Variants in NEK7 observed in about 807,000 individuals in gnomAD.
NEK7 encodes NIMA related kinase 7.
A neutral mutation model predicts 44.6 loss-of-function variants in NEK7; 18 were observed. The ratio of observed to expected loss-of-function variants is 0.40; its 90% CI spans 0.28 to 0.60. The LOEUF (loss-of-function observed/expected upper bound fraction) is 0.60. Among genes scored for constraint, NEK7 ranks in the 20% least tolerant of loss-of-function variants. The probability of loss-of-function intolerance (pLI) is 0.38; values close to 1 mark genes in which losing one functional copy is unlikely to be tolerated. For missense variants in NEK7, 256 were observed against 366.5 expected (o/e 0.70, Z 2.46); for synonymous variants, 130 against 121.1 (o/e 1.07, Z -0.48).
chr1:198,259,811 T>TCA (rs145517799), intron 3 of NEK7, among the ~76,000 whole-genome samples: 23,411 of 150,822 alleles, frequency 0.16, 2,590 homozygotes, highest in African/African-American at 0.31. Context: ...ACACACACAC[T>TCA]CACACACACA....
intron 5 of NEK7, 51 bp from the exon 6 acceptor site, chr1:198,277,910 A>G: frequency 9.7e-7 from 1 of 1,031,132 alleles, no homozygotes; most frequent in South Asian, 1.3e-5. Context: ...ACCAGAATCC[A>G]GTCTTGAGAA....
intron 2 of NEK7, among the ~76,000 whole-genome samples, chr1:198,237,853 C>T (rs1005022817): frequency 1.3e-5 from 2 of 152,178 alleles, no homozygotes; most frequent in African/African-American, 4.8e-5. Context: ...AATCTTCCCA[C>T]TCACACAGTA....
At chr1:198,192,476 T>C (rs1665107305) in intron 1 of NEK7, among the ~76,000 whole-genome samples, 1 of 152,096 alleles carries the variant, frequency 6.6e-6, no homozygotes, top group South Asian at 2.1e-4. Flanking sequence ...AATGAAAGAT[T>C]ACTCCAAAGT....
intron 2 of NEK7, among the ~76,000 whole-genome samples, chr1:198,252,702 ATG>A (rs1370381561): frequency 6.6e-6 from 1 of 150,588 alleles, no homozygotes; most frequent in East Asian, 1.9e-4. Flanking sequence ...TAAAACATGT[ATG>A]TATGTTTACA....
chr1:198,230,120 A>C (rs1192832115), intron 1 of NEK7, among the ~76,000 whole-genome samples: 1 of 152,194 alleles, frequency 6.6e-6, no homozygotes, highest in Non-Finnish European at 1.5e-5. Context: ...AGAGAGATTC[A>C]TATAAAAAAT....
chr1:198,223,355 G>A (rs1437740849), intron 1 of NEK7, among the ~76,000 whole-genome samples: 1 of 152,172 alleles, frequency 6.6e-6, no homozygotes, highest in African/African-American at 2.4e-5. Flanking sequence ...AACAAATGAT[G>A]CATACTGATG....
intron 1 of NEK7, among the ~76,000 whole-genome samples, chr1:198,209,552 G>A (rs1202765207): frequency 1.3e-5 from 2 of 152,082 alleles, no homozygotes; most frequent in Admixed American, 6.6e-5. Context: ...CTTTGAGTAC[G>A]TATAACATGG....
chr1:198,225,956 C>G (rs912790115), intron 1 of NEK7, among the ~76,000 whole-genome samples: 2 of 152,028 alleles, frequency 1.3e-5, no homozygotes, highest in Non-Finnish European at 2.9e-5. Context: ...TCTTGACATG[C>G]GTACATGCAT....
chr1:198,269,774 A>G (rs1444259830), intron 5 of NEK7, among the ~76,000 whole-genome samples: 1 of 152,102 alleles, frequency 6.6e-6, no homozygotes, highest in Non-Finnish European at 1.5e-5. Flanking sequence ...TAAGCAATTT[A>G]TAGTTGAAAT....
At chr1:198,180,348 A>T (rs149140358) in intron 1 of NEK7, among the ~76,000 whole-genome samples, 8 of 152,212 alleles carry the variant, frequency 5.3e-5, no homozygotes, top group African/African-American at 1.7e-4. Context: ...AAAGTAATTT[A>T]TTCAGGATGT....
At chr1:198,194,076 C>T in intron 1 of NEK7, among the ~76,000 whole-genome samples, 1 of 152,162 alleles carries the variant, frequency 6.6e-6, no homozygotes, top group Non-Finnish European at 1.5e-5. Context: ...ACCCCATAGT[C>T]TCAGCCCAAA....
At chr1:198,290,911 G>A (rs1374038525) in intron 7 of NEK7, among the ~76,000 whole-genome samples, 3 of 152,066 alleles carry the variant, frequency 2.0e-5, no homozygotes, top group Non-Finnish European at 4.4e-5. Flanking sequence ...ACTGAAAAAG[G>A]ATTTTTGTAC....
intron 9 of NEK7, among the ~76,000 whole-genome samples, chr1:198,312,072 C>T (rs1336520309): frequency 2.0e-5 from 3 of 152,136 alleles, no homozygotes; most frequent in African/African-American, 4.8e-5. Context: ...TGGTCCTGGA[C>T]TCTTTTTGGT....
intron 2 of NEK7, among the ~76,000 whole-genome samples, 164 bp downstream of exon 2, chr1:198,232,801 T>C (rs1412093688): frequency 1.3e-5 from 2 of 151,852 alleles, no homozygotes; most frequent in Admixed American, 1.3e-4. Flanking sequence ...TGCTTTGTTT[T>C]TCAGTTTTGT....
intron 5 of NEK7, among the ~76,000 whole-genome samples, chr1:198,266,234 A>G (rs4348755): frequency 0.51 from 77,494 of 151,928 alleles, 22,888 homozygotes; most frequent in East Asian, 0.9. Context: ...ATATCTATAC[A>G]TACTCTATTG....
At chr1:198,175,937 A>C (rs1235546265) in intron 1 of NEK7, among the ~76,000 whole-genome samples, 1 of 152,206 alleles carries the variant, frequency 6.6e-6, no homozygotes, top group Non-Finnish European at 1.5e-5. Flanking sequence ...TTGTTGTTTC[A>C]GAGATAATGA....
chr1:198,205,183 T>C (rs554172057), intron 1 of NEK7, among the ~76,000 whole-genome samples: 1 of 152,280 alleles, frequency 6.6e-6, no homozygotes, highest in East Asian at 1.9e-4. Context: ...TTTGCCTGAG[T>C]CTAAAACAGC....
intron 1 of NEK7, among the ~76,000 whole-genome samples, 169 bp downstream of exon 1, chr1:198,157,445 G>A (rs1376428814): frequency 6.6e-6 from 1 of 152,204 alleles, no homozygotes; most frequent in African/African-American, 2.4e-5. Flanking sequence ...AGGCGGATGG[G>A]GGTTTCGGTC....
intron 1 of NEK7, among the ~76,000 whole-genome samples, chr1:198,163,255 G>C (rs1664162271): frequency 6.6e-6 from 1 of 152,078 alleles, no homozygotes; most frequent in Admixed American, 6.5e-5. Context: ...CACTTTGGGA[G>C]GCCAAGGTGG....
Sources: allele counts gnomAD v4.1 joint callset (sites outside exome capture counted in the v4.1 genomes callset), GRCh38; gene constraint gnomAD v4.1.1; transcripts MANE v1.5; gene names NCBI Gene and HGNC (gene_info 2026-07-23, HGNC 2026-07-21).